ZNF628: variants seen among roughly 807,000 people sequenced by gnomAD.
The protein encoded by ZNF628 is zinc finger protein 628.
A neutral mutation model predicts 2.5 loss-of-function variants in ZNF628; 3 were observed. That is an observed-to-expected ratio of 1.19 (90% confidence interval 0.54 to 3.07). The LOEUF is 3.07. ZNF628 is among the 30% of genes most tolerant of loss of function. The pLI is 0.03. For missense variants in ZNF628, 1,610 were observed against 1,517.1 expected, an observed-to-expected ratio of 1.06 and a Z score of -1.02; for synonymous variants, 861 against 717.1, an observed-to-expected ratio of 1.20 and a Z score of -3.21.
At position 55,482,429 on chromosome 19, in the gene ZNF628, C is replaced by A. The variant is rs1291699335; in HGVS notation, c.1236C>A (p.Ala412=). 7.4e-7 allele frequency: 1 copy of A among 1,353,562 alleles called. No homozygotes were observed. The highest frequency in any genetic ancestry group is 9.5e-7 in the Non-Finnish European group (1 of 1,057,368). The allele number at this position is 1,353,562 out of a possible 1,614,324, so 83.8% of individuals were successfully genotyped here. The change falls in exon 3 of 3, where the codon GCC becomes GCA. Residue 412 remains alanine, a synonymous_variant. Coordinates refer to ENST00000598519, the MANE Select transcript of ZNF628 (RefSeq NM_033113.3). The part of the protein sequence containing the change: ...LAHQQCHVEE[A]AAGRPPPQAE... The stretch of plus-strand genomic sequence containing the variant: ...ATCAGCAGTGCCACGTGGAAGAGGC[C>A]GCGGCCGGGCGCCCGCCCCCGCAGG...
Position 55,483,293 on chromosome 19 carries a change from G to C in ZNF628, c.2100G>C (p.Pro700=). 6.6e-7 allele frequency: 1 copy of C among 1,518,804 alleles called. No individual in the cohort carries two copies. The highest frequency in any genetic ancestry group is 8.8e-7 in the Non-Finnish European group (1 of 1,137,278). The allele number at this position is 1,518,804 out of a possible 1,614,324, so 94.1% of individuals were successfully genotyped here. A position where few individuals can be genotyped will look rare whatever the true frequency, so the allele number is the denominator to read the frequency against. Residue 700 remains proline, a synonymous_variant, in exon 3 of 3, where the codon CCG becomes CCC. Coordinates refer to ENST00000598519, the MANE Select transcript of ZNF628 (RefSeq NM_033113.3). ...LEVAGGTAQA[P]SLGPAAPNSQ... ...TGGCGGGGGGCACGGCCCAGGCCCC[G>C]AGCTTGGGGCCAGCAGCGCCCAACT...
At position 55,481,448 on chromosome 19, in the gene ZNF628, C is replaced by A; in HGVS notation, c.255C>A (p.Gly85=). The change falls in exon 3 of 3, where the codon GGC becomes GGA. Residue 85 remains glycine (G), a synonymous_variant. Coordinates refer to ENST00000598519, the MANE Select transcript of ZNF628 (RefSeq NM_033113.3). ...GSSALLYHQR[G]HTGERPYQCP... ...CGGCCCTGCTCTACCACCAGCGAGG[C>A]CACACGGGCGAGCGGCCCTACCAGT... 6.2e-7 allele frequency: 1 copy of A among 1,611,458 alleles called. No individual in the cohort carries two copies.
intron 2 of ZNF628, among the ~76,000 whole-genome samples, chr19:55,480,231 G>T (rs541037049): frequency 2.3e-4 from 34 of 148,798 alleles, no homozygotes; most frequent in Non-Finnish European, 4.7e-4. Flanking sequence ...GCTCAACCAT[G>T]AGGACACTTT....
In ZNF628 at chr19:55,481,546, G is replaced by T. The variant is rs1465237476; in HGVS notation, c.353G>T (p.Arg118Leu). ...QIHRSVHTGL[R>L]AFICGQCGLA... ...CACCGTAGCGTGCACACCGGCCTGC[G>T]GGCCTTCATCTGCGGCCAGTGCGGC... The change falls in exon 3 of 3, where the codon CGG (arginine) becomes CTG (leucine). Residue 118 changes from arginine to leucine, a missense_variant. Physicochemically the swap from Arg to Leu is moderately radical, Grantham distance 102 (BLOSUM62 -2). Coordinates refer to ENST00000598519, the MANE Select transcript of ZNF628 (RefSeq NM_033113.3). 6.2e-7 allele frequency: 1 copy of T among 1,612,784 alleles called. No individual in the cohort carries two copies. Among genetic ancestry groups the T allele is most frequent in the Non-Finnish European group, 8.5e-7 (1 of 1,179,594 alleles).
rs1051287571 is a variant in ZNF628 at position 55,476,698 on chromosome 19, C to T, written c.-187C>T. Reference sequence around the variant, plus strand: ...TGGGAGGGAGTGCGCCCCTGCCCCCCCTCCCCGGTCCCCACAGCTGCACCG... The same window carrying T: ...TGGGAGGGAGTGCGCCCCTGCCCCCTCTCCCCGGTCCCCACAGCTGCACCG... On this transcript the variant is annotated 5_prime_UTR_variant, in exon 1 of 3. Transcript: ENST00000598519. 1 of 152,068 alleles carries T rather than the reference C, an allele frequency of 6.6e-6. No homozygotes were observed. Among genetic ancestry groups the T allele is most frequent in the Admixed American group, 6.5e-5 (1 of 15,278 alleles). The allele number at this position is 152,068 out of a possible 1,614,324, so 9.4% of individuals were successfully genotyped here. A position where few individuals can be genotyped will look rare whatever the true frequency, so the allele number is the denominator to read the frequency against.
rs573616738 is a variant in ZNF628 at position 55,483,380 on chromosome 19, G to A, written c.2187G>A (p.Gln729=). 11 of 1,542,474 alleles carry A rather than the reference G, an allele frequency of 7.1e-6. No individual in the cohort carries two copies. In the African/African-American group the frequency reaches 8.2e-5, roughly 11 times the overall value. The change falls in exon 3 of 3, where the codon CAG becomes CAA. Residue 729 remains glutamine (Q), a synonymous_variant. Coordinates refer to ENST00000598519, the MANE Select transcript of ZNF628 (RefSeq NM_033113.3). ...TCCAGCTGATCCCCAGCAGCGTGCA[G>A]CCCCCTACACCTCCGCCCCCTCCCG... The part of the protein sequence containing the change: ...QGLQLIPSSV[Q]PPTPPPPPAP...
rs1168115209 is a variant in ZNF628, at chr19:55,484,173, G to A, written c.2980G>A (p.Gly994Ser). 1.3e-6 allele frequency: 2 copies of A among 1,563,058 alleles called. No individual in the cohort carries two copies. Among genetic ancestry groups the A allele is most frequent in the Non-Finnish European group, 1.7e-6 (2 of 1,154,934 alleles). Residue 994 changes from glycine to serine, a missense_variant, in exon 3 of 3, where the codon GGC becomes AGC. Physicochemically the swap from Gly to Ser is moderately conservative, Grantham distance 56. Coordinates refer to ENST00000598519, the MANE Select transcript of ZNF628 (RefSeq NM_033113.3). ...GCTGGACAGCAGCAACACTGGAGGA[G>A]GCACCGCCACGCTGCAGCTCCTGGC... Reference protein sequence around the residue: ...ELLDSSNTGGGTATLQLLAPP... With the variant: ...ELLDSSNTGGSTATLQLLAPP...
In ZNF628 at chr19:55,482,759, G is replaced by A; in HGVS notation, c.1566G>A (p.Ser522=). 6.2e-7 allele frequency: 1 copy of A among 1,610,664 alleles called. No individual in the cohort carries two copies. The highest frequency in any genetic ancestry group is 8.5e-7 in the Non-Finnish European group (1 of 1,178,422). ...AGTGCGGCCTCACCTTCAAGTGGTC[G>A]TCCCACTACCAGTACCACCTGCGGC... ...CGQCGLTFKW[S]SHYQYHLRLH... The change falls in exon 3 of 3, where the codon TCG becomes TCA. Residue 522 remains serine (S), a synonymous_variant. Coordinates refer to ENST00000598519, the MANE Select transcript of ZNF628 (RefSeq NM_033113.3).
At position 55,483,534 on chromosome 19, in the gene ZNF628, G is replaced by T. The variant is rs551284706; in HGVS notation, c.2341G>T (p.Gly781Cys). 6.3e-7 allele frequency: 1 copy of T among 1,576,306 alleles called. No homozygotes were observed. Among genetic ancestry groups the T allele is most frequent in the Non-Finnish European group, 8.6e-7 (1 of 1,159,754 alleles). ...AGTGGTCTGGCTGCCAGGCCCTGGG[G>T]GTCTAGGGGTGCAGGGAGCGGCCAG... ...AGVVWLPGPGGLGVQGAASAG... is the reference protein window; with the variant it reads ...AGVVWLPGPGCLGVQGAASAG... The change falls in exon 3 of 3, where the codon GGT becomes TGT. Residue 781 changes from glycine (G) to cysteine (C), a missense_variant. By Grantham distance (159) the Gly-to-Cys change is radical. Coordinates refer to ENST00000598519, the MANE Select transcript of ZNF628 (RefSeq NM_033113.3).
rs373480260 is a variant in ZNF628, at chr19:55,481,864, G to A, written c.671G>A (p.Arg224His). Residue 224 changes from arginine (R) to histidine (H), a missense_variant, in exon 3 of 3, where the codon CGC becomes CAC. Physicochemically the swap from Arg to His is conservative, Grantham distance 29. Around this residue, in one of 5 missense-constraint regions of ZNF628, gnomAD observed 651 missense variants for 575.6 expected, o/e 1.13. Transcript: ENST00000598519. ...THSSNLLLHQ[R>H]THGAAPAPGT... ...TCCTCCAACCTGCTGCTGCACCAGC[G>A]CACGCACGGCGCCGCCCCCGCCCCG... The A allele has an allele frequency of 8.3e-6, 13 of 1,569,238 alleles. No individual in the cohort carries two copies. Among genetic ancestry groups the A allele is most frequent in the African/African-American group, 1.4e-5 (1 of 73,598 alleles).
rs1426462288 is a variant in ZNF628, at chr19:55,482,336, C to T, written c.1143C>T (p.Ala381=). 18 of 1,453,892 alleles carry T rather than the reference C, an allele frequency of 1.2e-5. No individual in the cohort carries two copies. Among genetic ancestry groups the T allele is most frequent in the Middle Eastern group, 2.2e-4 (1 of 4,602 alleles). 90.1% of individuals were successfully genotyped at this position (1,453,892 alleles called of 1,614,324 possible). A position where few individuals can be genotyped will look rare whatever the true frequency, so the allele number is the denominator to read the frequency against. Residue 381 remains alanine, a synonymous_variant, in exon 3 of 3, where the codon GCC becomes GCT. Transcript: ENST00000598519. Reference sequence around the variant, plus strand: ...GCCACCAGCACAGCCACGGGGCTGCCGGCGGGCAAGCGTTCCGCTGCGGCA... The same window carrying T: ...GCCACCAGCACAGCCACGGGGCTGCTGGCGGGCAAGCGTTCCGCTGCGGCA... The part of the protein sequence containing the change: ...LSRHQHSHGA[A]GGQAFRCGSC...
chr19:55,479,109 G>A lies in ZNF628; in HGVS notation c.-77-725G>A, dbSNP rs78768334. 0.011 allele frequency among the ~76,000 whole-genome samples: 1,689 copies of A among 152,174 alleles called. 105 individuals are homozygous for A. The East Asian group carries it at 0.19, about 18-fold the overall frequency. On this transcript the variant is annotated intron_variant, in intron 1 of 2. Coordinates refer to ENST00000598519, the MANE Select transcript of ZNF628 (RefSeq NM_033113.3). The surrounding 1 kb of genome is among the most constrained non-coding windows in gnomAD (Gnocchi z 5.1). The stretch of plus-strand genomic sequence containing the variant: ...GACAGACAGAGGACAAAGTGGTGCC[G>A]GAGCCCCGGGCGCTCCCACATCTAG...
chr19:55,481,201 G>C lies in ZNF628; in HGVS notation c.8G>C (p.Gly3Ala). MS[G>A]VMVGSHADMA... ...CGCTGACCCAGAATCCCTCCCCCAG[G>C]TGTGATGGTCGGCTCCCACGCGGAC... Residue 3 changes from glycine (G) to alanine (A), a missense_variant and splice_region_variant, in exon 3 of 3, where the codon GGT (glycine) becomes GCT (alanine). This residue lies in a region of ZNF628 where 60 missense variants were observed against 46.8 expected (regional missense o/e 1.28). Transcript: ENST00000598519. 1 of 1,536,924 alleles carries C rather than the reference G, an allele frequency of 6.5e-7. No homozygotes were observed. Among genetic ancestry groups the C allele is most frequent in the Non-Finnish European group, 8.7e-7 (1 of 1,144,708 alleles).
At chr19:55,481,005 A>T (rs1441028432) in intron 2 of ZNF628, among the ~76,000 whole-genome samples, 196 bp from the exon 3 acceptor site, 1 of 152,198 alleles carries the variant, frequency 6.6e-6, no homozygotes, top group African/African-American at 2.4e-5. Context: ...TTCAGCACTG[A>T]AAGTGCAGCA....
chr19:55,483,907 G>A lies in ZNF628; in HGVS notation c.2714G>A (p.Gly905Asp). 3 of 1,589,128 alleles carry A rather than the reference G, an allele frequency of 1.9e-6. No individual in the cohort carries two copies. Among genetic ancestry groups the A allele is most frequent in the Non-Finnish European group, 2.6e-6 (3 of 1,166,292 alleles). Residue 905 changes from glycine to aspartate, a missense_variant, in exon 3 of 3, where the codon GGC becomes GAC. Gly to Asp is a moderately conservative substitution (Grantham distance 94). Around this residue, in one of 5 missense-constraint regions of ZNF628, gnomAD observed 712 missense variants for 603.6 expected, o/e 1.18. Transcript: ENST00000598519. ...GCTGAGGAGTTGCTCACTGGCCCGG[G>A]CCCCGGGGAGGCGGGGGATGGCGAG... ...GAAEELLTGP[G>D]PGEAGDGEAS...
rs1348721418 is a variant in ZNF628, at chr19:55,483,930, G to A, written c.2737G>A (p.Glu913Lys). Residue 913 changes from glutamate to lysine, a missense_variant, in exon 3 of 3, where the codon GAG (glutamate) becomes AAG (lysine). By Grantham distance (56) the Glu-to-Lys change is moderately conservative. Transcript: ENST00000598519. The stretch of plus-strand genomic sequence containing the variant: ...GGGCCCCGGGGAGGCGGGGGATGGC[G>A]AGGCCAGCACTGGTGTGGTCCAGGA... ...GPGPGEAGDG[E>K]ASTGVVQDVL... The A allele has an allele frequency of 6.3e-7, 1 of 1,576,500 alleles. No individual in the cohort carries two copies. The highest frequency in any genetic ancestry group is 8.6e-7 in the Non-Finnish European group (1 of 1,160,282).
chr19:55,480,062 G>A (rs1466636515), intron 2 of ZNF628, 145 bp downstream of exon 2: 21 of 394,798 alleles, frequency 5.3e-5, no homozygotes, highest in Middle Eastern at 6.3e-4. Flanking sequence ...CACCTGCAGC[G>A]TTTGTGCAGG....
chr19:55,481,455 G>T lies in ZNF628; in HGVS notation c.262G>T (p.Gly88Cys). The T allele has an allele frequency of 6.2e-7, 1 of 1,612,950 alleles. No individual in the cohort carries two copies. Among genetic ancestry groups the T allele is most frequent in the Non-Finnish European group, 8.5e-7 (1 of 1,179,714 alleles). ...GCTCTACCACCAGCGAGGCCACACG[G>T]GCGAGCGGCCCTACCAGTGCCCCGA... ...ALLYHQRGHT[G>C]ERPYQCPDCP... The change falls in exon 3 of 3, where the codon GGC (glycine) becomes TGC (cysteine). Residue 88 changes from glycine (G) to cysteine (C), a missense_variant. Coordinates refer to ENST00000598519, the MANE Select transcript of ZNF628 (RefSeq NM_033113.3).
At position 55,482,724 on chromosome 19, in the gene ZNF628, A is replaced by T; in HGVS notation, c.1531A>T (p.Thr511Ser). The T allele has an allele frequency of 1.2e-6, 2 of 1,608,048 alleles. No individual in the cohort carries two copies. Among genetic ancestry groups the T allele is most frequent in the Non-Finnish European group, 1.7e-6 (2 of 1,178,058 alleles). Residue 511 changes from threonine to serine, a missense_variant, in exon 3 of 3, where the codon ACC becomes TCC. Physicochemically the swap from Thr to Ser is moderately conservative, Grantham distance 58 (BLOSUM62 1). Coordinates refer to ENST00000598519, the MANE Select transcript of ZNF628 (RefSeq NM_033113.3). ...QRVHTGLRAF[T>S]CGQCGLTFKW... ...GGTGCACACGGGCCTGCGGGCCTTC[A>T]CCTGTGGCCAGTGCGGCCTCACCTT...
Sources: gnomAD v4.1 joint callset for allele counts (sites outside exome capture counted in the v4.1 genomes callset) on GRCh38, gnomAD v4.1.1 for gene constraint, gnomAD v4.1.1 regional missense constraint, Gnocchi (gnomAD v3.1) non-coding constraint, MANE v1.5 for transcripts, NCBI Gene and HGNC (gene_info 2026-07-23, HGNC 2026-07-21) for gene names.